PACRGL: variants seen among roughly 807,000 people sequenced by gnomAD.
PACRGL encodes PACRG-like protein.
PACRGL carries 38 observed loss-of-function variants against 34.5 expected under a neutral mutation model. The ratio of observed to expected loss-of-function variants is 1.10; its 90% CI spans 0.85 to 1.44. PACRGL has a LOEUF of 1.44. PACRGL is among the 40% of genes most tolerant of loss of function. PACRGL has a pLI of 0.00. For synonymous variants in PACRGL, 128 were observed against 100.1 expected (o/e 1.28, Z -1.66); for missense variants, 305 against 281.4 (o/e 1.08, Z -0.60).
chr4:20,754,328 C>A (rs1560439120), downstream of PACRGL, among the ~76,000 whole-genome samples: 1 of 152,136 alleles, frequency 6.6e-6, no homozygotes, highest in Non-Finnish European at 1.5e-5. Context: ...TAAGACAAAG[C>A]ACTTTCCTGG....
At position 20,710,058 on chromosome 4, in the gene PACRGL, TGAG is replaced by T. The variant is rs974122133; in HGVS notation, c.366+289_366+291del. Reference sequence around the variant, plus strand: ...TCAAAAAAAATATGTGGACTCATAATGAGGAGAGATTTTTTGGTACTAGTGAAA... The same window carrying T: ...TCAAAAAAAATATGTGGACTCATAATGAGAGATTTTTTGGTACTAGTGAAA... On this transcript the variant is annotated intron_variant, in intron 5 of 8. Coordinates refer to ENST00000503585, the MANE Select transcript of PACRGL (RefSeq NM_001258345.3). 3.9e-5 allele frequency among the ~76,000 whole-genome samples: 6 copies of T among 152,310 alleles called. No individual in the cohort carries two copies. The East Asian group carries it at 7.7e-4, about 20-fold the overall frequency.
chr4:20,709,551 C>T, intron 4 of PACRGL, 132 bp from the exon 5 acceptor site: 1 of 558,414 alleles, frequency 1.8e-6, no homozygotes, highest in Non-Finnish European at 3.0e-6. Context: ...TGTCCTTGTA[C>T]TATCTTATAA....
the PACRGL span, chr4:20,767,371 C>A: frequency 6.8e-6 from 1 of 147,786 alleles, no homozygotes. Flanking sequence ...CAGTAGAAAC[C>A]CAGGAGCCTC....
intron 8 of PACRGL, among the ~76,000 whole-genome samples, chr4:20,725,937 C>T (rs1353889833): frequency 6.6e-6 from 1 of 151,974 alleles, no homozygotes. Flanking sequence ...TCCCATGTCT[C>T]CTCTGCAGCA....
rs1044765314 is a variant in PACRGL, at chr4:20,712,819, T to C, written c.398T>C (p.Phe133Ser). Residue 133 changes from phenylalanine (F) to serine (S), a missense_variant, in exon 6 of 9, where the codon TTT becomes TCT. Physicochemically the swap from Phe to Ser is radical, Grantham distance 155. Coordinates refer to ENST00000503585, the MANE Select transcript of PACRGL (RefSeq NM_001258345.3). ...AGAGAGACTAAGCATCCATACACTT[T>C]TGTGTCAAAGGAGGGTTTTAGAGAA... ...GLRETKHPYTFVSKEGFRELL... is the reference protein window; with the variant it reads ...GLRETKHPYTSVSKEGFRELL... 1 of 1,595,440 alleles carries C rather than the reference T, an allele frequency of 6.3e-7. No homozygotes were observed. Among genetic ancestry groups the C allele is most frequent in the Non-Finnish European group, 8.6e-7 (1 of 1,169,194 alleles).
chr4:20,743,049 A>C lies in PACRGL; in HGVS notation c.*57-9516A>C, dbSNP rs529739129. ...TATAAGGGTGTGAAGGACCCTTATA[A>C]GGGTGTGAAGGACCCTTATAAGTTC... is the stretch of plus-strand genomic sequence containing the variant. On this transcript the variant is annotated intron_variant, in intron 8 of 8. Transcript: ENST00000507634. Among the ~76,000 whole-genome samples, 18 of 151,992 alleles carry C rather than the reference A, an allele frequency of 1.2e-4. 1 individual carries two copies. The South Asian group carries it at 3.7e-3, about 32-fold the overall frequency.
chr4:20,757,796 G>A (rs1180911823), downstream of PACRGL, among the ~76,000 whole-genome samples: 2 of 152,124 alleles, frequency 1.3e-5, no homozygotes, highest in African/African-American at 4.8e-5. Context: ...TATAGGTAGG[G>A]TTGTTGGATG....
upstream of PACRGL, among the ~76,000 whole-genome samples, chr4:20,699,032 T>TG (rs1731418391): frequency 2.0e-5 from 3 of 152,286 alleles, no homozygotes; most frequent in South Asian, 6.2e-4. Flanking sequence ...CACATATGCT[T>TG]GTCATTCCTC....
At chr4:20,696,720 A>G (rs1731258867), upstream of PACRGL, among the ~76,000 whole-genome samples, 1 of 152,178 alleles carries the variant, frequency 6.6e-6, no homozygotes, top group African/African-American at 2.4e-5. Flanking sequence ...TGTTTGCCCA[A>G]CTGTCAGTGG....
chr4:20,761,353 T>C, the PACRGL span, among the ~76,000 whole-genome samples: 1 of 152,200 alleles, frequency 6.6e-6, no homozygotes, highest in African/African-American at 2.4e-5. Context: ...CATAAATGAA[T>C]TAACAACCAA....
At chr4:20,764,625 T>G in the PACRGL span, among the ~76,000 whole-genome samples, 27 of 151,736 alleles carry the variant, frequency 1.8e-4, no homozygotes, top group African/African-American at 6.5e-4. Flanking sequence ...CCACCGCAGC[T>G]TTATGAGAAA....
chr4:20,755,868 G>A (rs965133773), downstream of PACRGL, among the ~76,000 whole-genome samples: 1 of 152,104 alleles, frequency 6.6e-6, no homozygotes, highest in Non-Finnish European at 1.5e-5. Flanking sequence ...ATGGCAAGGG[G>A]GCCACTGTGG....
At chr4:20,741,589 T>C (rs1019058025) in intron 8 of PACRGL, among the ~76,000 whole-genome samples, 3 of 152,170 alleles carry the variant, frequency 2.0e-5, no homozygotes, top group Non-Finnish European at 2.9e-5. Context: ...GGGAAATTTA[T>C]AGCACTCAAA....
intron 7 of PACRGL, among the ~76,000 whole-genome samples, chr4:20,715,575 A>G (rs555161993): frequency 2.0e-5 from 3 of 152,192 alleles, no homozygotes; most frequent in South Asian, 2.1e-4. Flanking sequence ...GGTTATAATA[A>G]AAAGTAAACC....
downstream of PACRGL, among the ~76,000 whole-genome samples, chr4:20,733,318 C>T (rs185348561): frequency 6.0e-3 from 918 of 152,206 alleles, 34 homozygotes; most frequent in Admixed American, 0.056. Flanking sequence ...AATTTTGACC[C>T]TGGGAAACAC....
downstream of PACRGL, among the ~76,000 whole-genome samples, chr4:20,757,082 G>C (rs1754539018): frequency 6.6e-6 from 1 of 152,052 alleles, no homozygotes. Context: ...GTCCAAAACT[G>C]AGATCATTAT....
At position 20,730,253 on chromosome 4, in the gene PACRGL, A is replaced by ATTC; in HGVS notation, c.*2914_*2915insCTT. On this transcript the variant is annotated 3_prime_UTR_variant, in exon 9 of 9. Coordinates refer to ENST00000503585, the MANE Select transcript of PACRGL (RefSeq NM_001258345.3). Reference sequence around the variant, plus strand: ...AACCACCTATGCCAAAAGCTCAAATATTAAGTGTTTGCAAATGTAAATGCC... The same window carrying ATTC: ...AACCACCTATGCCAAAAGCTCAAATATTCTTAAGTGTTTGCAAATGTAAATGCC... The ATTC allele has an allele frequency of 8.1e-7, 1 of 1,235,192 alleles. No homozygotes were observed. The highest frequency in any genetic ancestry group is 1.1e-6 in the Non-Finnish European group (1 of 920,514). 76.5% of individuals were successfully genotyped at this position (1,235,192 alleles called of 1,614,324 possible).
chr4:20,762,482 A>G, the PACRGL span, among the ~76,000 whole-genome samples: 1 of 152,198 alleles, frequency 6.6e-6, no homozygotes, highest in Non-Finnish European at 1.5e-5. Flanking sequence ...CATTTTTTTA[A>G]ACCTTCAGGT....
downstream of PACRGL, chr4:20,732,735 T>C (rs527531568): frequency 9.7e-5 from 156 of 1,613,090 alleles, no homozygotes; most frequent in East Asian, 3.4e-3. Context: ...GGACAGGATA[T>C]GTACATTTAC....
Sources: allele counts gnomAD v4.1 joint callset (sites outside exome capture counted in the v4.1 genomes callset), GRCh38; gene constraint gnomAD v4.1.1; transcripts MANE v1.5; gene names NCBI Gene and HGNC (gene_info 2026-07-23, HGNC 2026-07-21).